The following EVC2 variants were observed in gnomAD, a reference collection of about 807,000 sequenced individuals.
The protein encoded by EVC2 is EvC ciliary complex subunit 2, also known as limbin.
EVC2 carries 148 observed loss-of-function variants against 149.3 expected under a neutral mutation model. The observed-to-expected ratio is 0.99, with a 90% CI of 0.87 to 1.14. The LOEUF is 1.14. Ranked by LOEUF, EVC2 falls within the 50% of genes most tolerant of loss-of-function variation. EVC2 has a pLI of 0.00. For missense variants in EVC2, 1,854 were observed against 1,627.3 expected (o/e 1.14, Z -2.40); for synonymous variants, 776 against 649.9 (o/e 1.19, Z -2.95).
In EVC2 at chr4:5,681,381, T is replaced by A. The variant is rs371427944; in HGVS notation, c.817-68A>T. The A allele has an allele frequency of 2.3e-4, 353 of 1,535,754 alleles. 1 individual carries two copies. The African/African-American group carries it at 4.2e-3, about 18-fold the overall frequency. On this transcript the variant is annotated intron_variant, in intron 6 of 21. Transcript: ENST00000344408. ...GTCTGACACGTGGGATAACATTTGGTGCGATTTCCAACCCTCCAAGCCTGG... is the reference window on the plus strand; with the variant it reads ...GTCTGACACGTGGGATAACATTTGGAGCGATTTCCAACCCTCCAAGCCTGG...
At chr4:5,665,096 T>C (rs1373860987) in intron 8 of EVC2, among the ~76,000 whole-genome samples, 13 of 151,804 alleles carry the variant, frequency 8.6e-5, no homozygotes, top group Non-Finnish European at 1.9e-4. Flanking sequence ...GTGATGGGCT[T>C]TGTATGGGGT....
chr4:5,566,047 C>G lies in EVC2; in HGVS notation c.3558-688G>C, dbSNP rs556227816. Among the ~76,000 whole-genome samples, 8 of 152,386 alleles carry G rather than the reference C, an allele frequency of 5.2e-5. No homozygotes were observed. In the East Asian group the frequency reaches 1.5e-3, roughly 29 times the overall value. On this transcript the variant is annotated intron_variant, in intron 20 of 21. Transcript: ENST00000344408. ...TTTGTCTCTTACCCTCCACGTAGCCCTAGTACCTAAGAGAGAGGACACAGT... is the reference window on the plus strand; with the variant it reads ...TTTGTCTCTTACCCTCCACGTAGCCGTAGTACCTAAGAGAGAGGACACAGT...
chr4:5,574,314 G>A (rs1407430648), intron 19 of EVC2, among the ~76,000 whole-genome samples: 1 of 152,160 alleles, frequency 6.6e-6, no homozygotes, highest in African/African-American at 2.4e-5. Flanking sequence ...GTGTAGTGTG[G>A]GGTGCAGTAT....
At chr4:5,585,678 C>A in intron 16 of EVC2, among the ~76,000 whole-genome samples, 1 of 152,040 alleles carries the variant, frequency 6.6e-6, no homozygotes. Flanking sequence ...TGTTTCTACC[C>A]CTATGAAACC....
chr4:5,626,490 C>T lies in EVC2; in HGVS notation c.1887-582G>A, dbSNP rs562271639. On this transcript the variant is annotated intron_variant, in intron 12 of 21. Coordinates refer to ENST00000344408, the MANE Select transcript of EVC2 (RefSeq NM_147127.5). Reference sequence around the variant, plus strand: ...TTGGGATTACAGGCGCGTGCCACCACGCCAGCTAATTTTTTTTGTATTTTT... The same window carrying T: ...TTGGGATTACAGGCGCGTGCCACCATGCCAGCTAATTTTTTTTGTATTTTT... 5.8e-3 allele frequency among the ~76,000 whole-genome samples: 876 copies of T among 151,298 alleles called. 11 individuals carry two copies. Among genetic ancestry groups the T allele is most frequent in the African/African-American group, 0.02 (826 of 40,754 alleles).
At position 5,618,479 on chromosome 4, in the gene EVC2, T is replaced by C. The variant is rs746349084; in HGVS notation, c.2705A>G (p.Gln902Arg). 2.3e-5 allele frequency: 37 copies of C among 1,612,686 alleles called. No individual in the cohort carries two copies. In the East Asian group the frequency reaches 5.8e-4, roughly 25 times the overall value. The part of the protein sequence containing the change: ...LDQAVAAPEL[Q>R]QQSKVRKSRS... ...CGGCCACTGACAGGTCCATCCTACC[T>C]GCAGCTCAGGGGCAGCCACGGCCTG... The change falls in exon 15 of 22, where the codon CAG becomes CGG. Residue 902 changes from glutamine to arginine, a missense_variant and splice_region_variant. Coordinates refer to ENST00000344408, the MANE Select transcript of EVC2 (RefSeq NM_147127.5). The surrounding 1 kb of genome is among the most constrained non-coding windows in gnomAD (Gnocchi z 4.4).
chr4:5,624,371 C>A (rs942561874), intron 13 of EVC2, among the ~76,000 whole-genome samples: 1 of 152,188 alleles, frequency 6.6e-6, no homozygotes, highest in African/African-American at 2.4e-5. Flanking sequence ...CTTGCCCAGG[C>A]AGACATTACT....
chr4:5,706,417 G>GATAGATAGATAGACAC (rs1722183553), intron 1 of EVC2, among the ~76,000 whole-genome samples: 1 of 61,544 alleles, frequency 1.6e-5, no homozygotes, highest in Non-Finnish European at 3.0e-5. Flanking sequence ...TAGATACATA[G>GATAGATAGATAGACAC]ATAGATAGAT....
At chr4:5,585,400 G>C (rs562332496) in intron 16 of EVC2, among the ~76,000 whole-genome samples, 1 of 152,152 alleles carries the variant, frequency 6.6e-6, no homozygotes, top group South Asian at 2.1e-4. Flanking sequence ...TTGTCTTTTG[G>C]GTCTATAGTT....
chr4:5,547,570 T>C (rs1721646437), intron 21 of EVC2, among the ~76,000 whole-genome samples: 1 of 152,112 alleles, frequency 6.6e-6, no homozygotes, highest in Non-Finnish European at 1.5e-5. Context: ...CTGAAGCCCA[T>C]ACAAGCCCCA....
rs73061761 is a variant in EVC2 at position 5,593,230 on chromosome 4, C to T, written c.2830-8380G>A. On this transcript the variant is annotated intron_variant, in intron 16 of 21. Coordinates refer to ENST00000344408, the MANE Select transcript of EVC2 (RefSeq NM_147127.5). ...AGAATGGACTAATACAGGATGCAACCTTCCAGAAGTACGCCACTGTATAAA... is the reference window on the plus strand; with the variant it reads ...AGAATGGACTAATACAGGATGCAACTTTCCAGAAGTACGCCACTGTATAAA... Among the ~76,000 whole-genome samples, 1,355 of 152,254 alleles carry T rather than the reference C, an allele frequency of 8.9e-3. 21 individuals carry two copies. The highest frequency in any genetic ancestry group is 0.029 in the African/African-American group (1,216 of 41,536).
intron 20 of EVC2, among the ~76,000 whole-genome samples, chr4:5,565,819 G>A (rs1021545324): frequency 1.3e-5 from 2 of 152,022 alleles, no homozygotes; most frequent in African/African-American, 2.4e-5. Flanking sequence ...TCCATCAAAC[G>A]CCTTCTGCAG....
At chr4:5,693,184 G>T (rs1229802510) in intron 3 of EVC2, among the ~76,000 whole-genome samples, 3 of 152,180 alleles carry the variant, frequency 2.0e-5, no homozygotes, top group African/African-American at 7.2e-5. Context: ...GCCCTGTGAG[G>T]TGACGAGTTA....
At chr4:5,556,681 A>T in intron 21 of EVC2, among the ~76,000 whole-genome samples, 1 of 152,164 alleles carries the variant, frequency 6.6e-6, no homozygotes, top group Non-Finnish European at 1.5e-5. Context: ...ATTGACAAAC[A>T]GCTAACCAGA....
chr4:5,598,907 G>A (rs867705290), intron 16 of EVC2, among the ~76,000 whole-genome samples: 21 of 152,096 alleles, frequency 1.4e-4, no homozygotes, highest in East Asian at 9.6e-4. Context: ...AAAAGTGGGC[G>A]AAGGACATGA....
At chr4:5,583,708 A>T (rs1712006720) in intron 17 of EVC2, among the ~76,000 whole-genome samples, 1 of 151,726 alleles carries the variant, frequency 6.6e-6, no homozygotes, top group South Asian at 2.1e-4. Flanking sequence ...TATACTCTTA[A>T]TATTATTGTC....
At chr4:5,602,563 G>C (rs1424762857) in intron 16 of EVC2, among the ~76,000 whole-genome samples, 2 of 150,918 alleles carry the variant, frequency 1.3e-5, no homozygotes, top group Non-Finnish European at 3.0e-5. Flanking sequence ...AGAAGAAAGA[G>C]AGTAAAATAG....
At chr4:5,701,340 T>G (rs768078163) in intron 1 of EVC2, among the ~76,000 whole-genome samples, 1 of 152,214 alleles carries the variant, frequency 6.6e-6, no homozygotes, top group Non-Finnish European at 1.5e-5. Flanking sequence ...ATAATGTCAA[T>G]TCCCATGGCC....
At chr4:5,690,601 G>A (rs1721058358) in intron 4 of EVC2, among the ~76,000 whole-genome samples, 1 of 152,028 alleles carries the variant, frequency 6.6e-6, no homozygotes, top group Non-Finnish European at 1.5e-5. Context: ...TGGACCCAAA[G>A]GCTCCAGTGA....
Sources: gnomAD v4.1 joint callset for allele counts (sites outside exome capture counted in the v4.1 genomes callset) on GRCh38, gnomAD v4.1.1 for gene constraint, Gnocchi (gnomAD v3.1) non-coding constraint, MANE v1.5 for transcripts, NCBI Gene and HGNC (gene_info 2026-07-23, HGNC 2026-07-21) for gene names.